The following FOXN3 variants were observed in gnomAD, a reference collection of about 807,000 sequenced individuals.
FOXN3 encodes forkhead box protein N3.
FOXN3 carries 7 observed loss-of-function variants against 38.4 expected under a neutral mutation model. That is an observed-to-expected ratio of 0.18 (90% CI 0.10 to 0.34). FOXN3 has a LOEUF of 0.34. FOXN3 is among the 10% of genes least tolerant of loss of function. FOXN3 has a pLI of 1.00. For missense variants in FOXN3, 456 were observed against 613.4 expected (o/e 0.74, Z 2.71); for synonymous variants, 230 against 242.2 (o/e 0.95, Z 0.47).
At position 89,412,209 on chromosome 14, in the gene FOXN3, G is replaced by C. The variant is rs892756723; in HGVS notation, c.268C>G (p.Leu90Val). 1.9e-6 allele frequency: 3 copies of C among 1,614,044 alleles called. No homozygotes were observed. The highest frequency in any genetic ancestry group is 2.5e-6 in the Non-Finnish European group (3 of 1,180,004). Reference sequence around the variant, plus strand: ...GGGGATGGGGGGGTGTCATCGTCCAGGTCCTGGACGGGGCTGACACTCCTG... The same window carrying C: ...GGGGATGGGGGGGTGTCATCGTCCACGTCCTGGACGGGGCTGACACTCCTG... ...VLRSVSPVQD[L>V]DDDTPPSPAH... is the part of the protein sequence containing the mutation. The change falls in exon 2 of 6, where the codon CTG becomes GTG. Residue 90 changes from leucine (L) to valine (V), a missense_variant. Leu to Val is a conservative substitution (Grantham distance 32). Around this residue, in one of 3 missense-constraint regions of FOXN3, gnomAD observed 386 missense variants for 505.2 expected, o/e 0.76. Transcript: ENST00000557258. The surrounding 1 kb of genome is among the most constrained non-coding windows in gnomAD (Gnocchi z 4.7).
rs571534535 is a variant in FOXN3 at position 89,542,749 on chromosome 14, T to A, written c.-15+76279A>T. Among the ~76,000 whole-genome samples the A allele has an allele frequency of 4.6e-5, 7 of 152,330 alleles. No individual in the cohort carries two copies. The South Asian group carries it at 1.4e-3, about 32-fold the overall frequency. ...TTCATTAATTGGCATTCTTGGAGAT[T>A]TTGATTTTTTCCTGCCATCGATGGG... is the stretch of plus-strand genomic sequence containing the variant. On this transcript the variant is annotated intron_variant, in intron 1 of 6. Transcript: ENST00000345097.
intron 2 of FOXN3, among the ~76,000 whole-genome samples, chr14:89,366,887 G>A (rs553541140): frequency 4.6e-5 from 7 of 152,136 alleles, no homozygotes; most frequent in Non-Finnish European, 5.9e-5. Flanking sequence ...CTGGTTGTCC[G>A]TAGTTACTCA....
intron 4 of FOXN3, among the ~76,000 whole-genome samples, chr14:89,229,035 C>T (rs1260753499): frequency 6.6e-6 from 1 of 152,136 alleles, no homozygotes; most frequent in East Asian, 1.9e-4. Flanking sequence ...GAGAGCCTTG[C>T]ACAACACCAG....
intron 2 of FOXN3, among the ~76,000 whole-genome samples, chr14:89,410,294 G>T (rs1424012547): frequency 6.6e-6 from 1 of 151,928 alleles, no homozygotes; most frequent in African/African-American, 2.4e-5. Flanking sequence ...GAAATTGAAG[G>T]CCCCAGCCCC....
intron 1 of FOXN3, among the ~76,000 whole-genome samples, chr14:89,520,513 GC>G (rs1252740286): frequency 4.6e-5 from 7 of 152,296 alleles, no homozygotes; most frequent in African/African-American, 1.7e-4. Context: ...AGAGTGGAAA[GC>G]CCCAAGTTTT....
chr14:89,265,402 T>G (rs991081279), intron 4 of FOXN3, among the ~76,000 whole-genome samples: 2 of 152,130 alleles, frequency 1.3e-5, no homozygotes, highest in Admixed American at 1.3e-4. Context: ...AACAGCAGCT[T>G]TGAATCTAGC....
At chr14:89,215,347 AT>A (rs10640376) in intron 4 of FOXN3, among the ~76,000 whole-genome samples, 56 of 148,834 alleles carry the variant, frequency 3.8e-4, no homozygotes, top group Admixed American at 6.7e-4. Context: ...GAGAATAGAG[AT>A]TTTTTTTTTT....
intron 4 of FOXN3, among the ~76,000 whole-genome samples, chr14:89,234,036 T>C (rs1015196028): frequency 2.0e-5 from 3 of 151,722 alleles, no homozygotes; most frequent in Non-Finnish European, 4.4e-5. Context: ...ACATACAGGA[T>C]AGAAAGCCAC....
rs1414957148 is a variant in FOXN3 at position 89,514,017 on chromosome 14, T to A, written c.-14-101527A>T. Among the ~76,000 whole-genome samples the A allele has an allele frequency of 2.0e-5, 3 of 152,144 alleles. No individual in the cohort carries two copies. The East Asian group carries it at 5.8e-4, about 29-fold the overall frequency. ...CAGATGAAGTAGAAAGGAAGAGACA[T>A]CGCTGTCTTTGTTTCTTCCAGGATG... On this transcript the variant is annotated intron_variant, in intron 1 of 6. Coordinates refer to the FOXN3 transcript ENST00000345097.
intron 1 of FOXN3, among the ~76,000 whole-genome samples, chr14:89,607,983 A>ATTT (rs200924391): frequency 7.1e-6 from 1 of 140,810 alleles, no homozygotes; most frequent in Non-Finnish European, 1.5e-5. Flanking sequence ...CACCCAGCTA[A>ATTT]TTTTTTTTTT....
intron 4 of FOXN3, among the ~76,000 whole-genome samples, chr14:89,197,159 A>G (rs562062268): frequency 1.4e-3 from 211 of 152,294 alleles, no homozygotes; most frequent in African/African-American, 4.8e-3. Context: ...GAAACAAACA[A>G]ACAAAAATAC....
intron 1 of FOXN3, among the ~76,000 whole-genome samples, chr14:89,488,737 G>T (rs367633411): frequency 6.6e-6 from 1 of 152,212 alleles, no homozygotes; most frequent in Admixed American, 6.5e-5. Flanking sequence ...ATTTGTCCAG[G>T]AGGAAGAACA....
At chr14:89,584,276 CT>C (rs1895803011) in intron 1 of FOXN3, among the ~76,000 whole-genome samples, 1 of 152,058 alleles carries the variant, frequency 6.6e-6, no homozygotes. Flanking sequence ...TGGTGTGTGC[CT>C]ATAGCCCCAG....
intron 1 of FOXN3, among the ~76,000 whole-genome samples, chr14:89,590,058 C>T (rs748077708): frequency 2.0e-5 from 3 of 152,258 alleles, no homozygotes; most frequent in Non-Finnish European, 4.4e-5. Context: ...GGAGAAGGAA[C>T]CTACTAAGAG....
At chr14:89,414,215 G>T (rs1193683021) in intron 1 of FOXN3, among the ~76,000 whole-genome samples, 1 of 152,062 alleles carries the variant, frequency 6.6e-6, no homozygotes, top group Non-Finnish European at 1.5e-5. Context: ...TACTTGGGAG[G>T]CTGAGGTGGG....
At chr14:89,527,475 C>A (rs1277080303) in intron 1 of FOXN3, among the ~76,000 whole-genome samples, 1 of 152,240 alleles carries the variant, frequency 6.6e-6, no homozygotes, top group Middle Eastern at 3.4e-3. Flanking sequence ...GCATATCACA[C>A]ATTTGATGAA....
chr14:89,207,225 A>T (rs1888409079), intron 4 of FOXN3, among the ~76,000 whole-genome samples: 1 of 152,144 alleles, frequency 6.6e-6, no homozygotes, highest in Non-Finnish European at 1.5e-5. Context: ...TATCTCAAAC[A>T]AAACAAAATA....
intron 2 of FOXN3, among the ~76,000 whole-genome samples, chr14:89,407,771 C>T (rs1047454460): frequency 6.6e-6 from 1 of 152,098 alleles, no homozygotes; most frequent in Non-Finnish European, 1.5e-5. Context: ...TCTGAGGCTG[C>T]AATAAGCCAT....
chr14:89,358,736 C>T (rs1459514930), intron 2 of FOXN3, among the ~76,000 whole-genome samples: 1 of 152,232 alleles, frequency 6.6e-6, no homozygotes, highest in Non-Finnish European at 1.5e-5. Context: ...TAGGCCAGTA[C>T]CACCCATGTG....
Sources: allele counts gnomAD v4.1 joint callset (sites outside exome capture counted in the v4.1 genomes callset), GRCh38; gene constraint gnomAD v4.1.1; regional missense constraint gnomAD v4.1.1; non-coding constraint Gnocchi (gnomAD v3.1); transcripts MANE v1.5; gene names NCBI Gene and HGNC (gene_info 2026-07-23, HGNC 2026-07-21).